PDE1A: variants seen among roughly 807,000 people sequenced by gnomAD.
PDE1A encodes dual specificity calcium/calmodulin-dependent 3',5'-cyclic nucleotide phosphodiesterase 1A.
A neutral mutation model predicts 61.7 loss-of-function variants in PDE1A; 35 were observed. The ratio of observed to expected loss-of-function variants is 0.57; its 90% confidence interval spans 0.43 to 0.75. The LOEUF is 0.75. Ranked by LOEUF, PDE1A falls within the 30% of genes least tolerant of loss-of-function variation. The probability of loss-of-function intolerance (pLI) is 0.00; values close to 1 mark genes in which losing one functional copy is unlikely to be tolerated. For missense variants in PDE1A, 597 were observed against 630.6 expected, an observed-to-expected ratio of 0.95 and a Z score of 0.57; for synonymous variants, 232 against 213.2, an observed-to-expected ratio of 1.09 and a Z score of -0.77.
chr2:182,597,562 T>G, the PDE1A span, among the ~76,000 whole-genome samples: 1 of 152,052 alleles, frequency 6.6e-6, no homozygotes, highest in Non-Finnish European at 1.5e-5. Context: ...GTAAAGAAAG[T>G]AAAGAATACA....
At chr2:182,367,489 A>T (rs777866746) in intron 1 of PDE1A, among the ~76,000 whole-genome samples, 2 of 152,066 alleles carry the variant, frequency 1.3e-5, no homozygotes, top group Non-Finnish European at 2.9e-5. Flanking sequence ...CACTCTAATG[A>T]ATTTTAAAAT....
chr2:182,158,436 A>G (rs1291888460), intron 13 of PDE1A, among the ~76,000 whole-genome samples: 1 of 152,166 alleles, frequency 6.6e-6, no homozygotes, highest in Non-Finnish European at 1.5e-5. Context: ...CCTTTATTTG[A>G]TGAAGTTTTT....
At chr2:182,543,275 T>G in the PDE1A span, among the ~76,000 whole-genome samples, 1 of 152,368 alleles carries the variant, frequency 6.6e-6, no homozygotes, top group Admixed American at 6.5e-5. Flanking sequence ...GCCCTGGAAA[T>G]GAAATAAAAC....
At chr2:182,455,532 A>G (rs927664861) in intron 2 of PDE1A, among the ~76,000 whole-genome samples, 1 of 152,192 alleles carries the variant, frequency 6.6e-6, no homozygotes, top group Non-Finnish European at 1.5e-5. Context: ...GATAGACTGG[A>G]TTAAGAAAAT....
At chr2:182,521,649 T>C (rs1002706116) in intron 2 of PDE1A, among the ~76,000 whole-genome samples, 6 of 152,038 alleles carry the variant, frequency 3.9e-5, no homozygotes, top group Non-Finnish European at 7.4e-5. Flanking sequence ...AATGCATAAT[T>C]CTTGACCCAT....
intron 2 of PDE1A, among the ~76,000 whole-genome samples, chr2:182,495,482 C>G (rs186514049): frequency 6.6e-6 from 1 of 152,328 alleles, no homozygotes; most frequent in East Asian, 1.9e-4. Context: ...CCCATTTTAA[C>G]ATGCTGTAAC....
chr2:182,334,045 C>T (rs1697609542), intron 1 of PDE1A, among the ~76,000 whole-genome samples: 1 of 151,984 alleles, frequency 6.6e-6, no homozygotes, highest in Non-Finnish European at 1.5e-5. Context: ...AGTTGAATAA[C>T]TGAATAGACC....
intron 8 of PDE1A, among the ~76,000 whole-genome samples, chr2:182,203,185 T>TG (rs895207233): frequency 6.6e-6 from 1 of 151,790 alleles, no homozygotes; most frequent in Admixed American, 6.6e-5. Context: ...CCAGCCCTGG[T>TG]GGCGGGCACC....
chr2:182,468,028 T>C (rs1271629065), intron 2 of PDE1A, among the ~76,000 whole-genome samples: 1 of 151,998 alleles, frequency 6.6e-6, no homozygotes, highest in Non-Finnish European at 1.5e-5. Flanking sequence ...ATTATCTGAG[T>C]CTTCAGAATC....
chr2:182,190,009 C>T (rs1335074551), intron 10 of PDE1A, among the ~76,000 whole-genome samples: 3 of 152,204 alleles, frequency 2.0e-5, no homozygotes, highest in Non-Finnish European at 2.9e-5. Context: ...GGATAAAATA[C>T]GTAAGGACTC....
At chr2:182,386,109 G>A (rs566821382) in intron 1 of PDE1A, among the ~76,000 whole-genome samples, 1 of 152,338 alleles carries the variant, frequency 6.6e-6, no homozygotes, top group Admixed American at 6.5e-5. Flanking sequence ...GGCCTCCTGA[G>A]GTGCCGGGAT....
intron 1 of PDE1A, among the ~76,000 whole-genome samples, chr2:182,277,513 G>T (rs898733726): frequency 2.0e-5 from 3 of 152,106 alleles, no homozygotes; most frequent in African/African-American, 7.2e-5. Flanking sequence ...ATGCATGACA[G>T]AATTCTCCAC....
At chr2:182,634,850 C>T in the PDE1A span, among the ~76,000 whole-genome samples, 1 of 152,152 alleles carries the variant, frequency 6.6e-6, no homozygotes, top group Non-Finnish European at 1.5e-5. Context: ...TTAGTCAAAG[C>T]TTAATTACTA....
At chr2:182,419,072 A>G (rs1703104477) in intron 1 of PDE1A, among the ~76,000 whole-genome samples, 1 of 117,424 alleles carries the variant, frequency 8.5e-6, no homozygotes, top group Non-Finnish European at 1.6e-5. Context: ...CTAAAAGAGA[A>G]AAAAAAAAAA....
chr2:182,407,005 C>T (rs1032657603), intron 1 of PDE1A, among the ~76,000 whole-genome samples: 5 of 152,050 alleles, frequency 3.3e-5, no homozygotes, highest in South Asian at 2.1e-4. Flanking sequence ...GAGAGTATAG[C>T]GAGATTTATC....
chr2:182,552,652 C>T, the PDE1A span, among the ~76,000 whole-genome samples: 4 of 151,876 alleles, frequency 2.6e-5, no homozygotes, highest in Non-Finnish European at 5.9e-5. Context: ...AATCAGAGCG[C>T]TCACTAAAAT....
intron 13 of PDE1A, among the ~76,000 whole-genome samples, chr2:182,150,463 T>C (rs1009778947): frequency 1.2e-4 from 19 of 152,172 alleles, no homozygotes; most frequent in African/African-American, 4.6e-4. Flanking sequence ...ATTTGCAATG[T>C]CATATATATA....
chr2:182,562,763 T>C, the PDE1A span, among the ~76,000 whole-genome samples: 1 of 152,312 alleles, frequency 6.6e-6, no homozygotes, highest in South Asian at 2.1e-4. Context: ...GAGATTCAAC[T>C]TCTTCCTGGT....
the PDE1A span, among the ~76,000 whole-genome samples, chr2:182,614,950 GTAAAA>G: frequency 6.6e-6 from 1 of 152,160 alleles, no homozygotes; most frequent in African/African-American, 2.4e-5. Flanking sequence ...CAAACATAAA[GTAAAA>G]TATGTCCTGT....
Sources: allele counts gnomAD v4.1 joint callset (sites outside exome capture counted in the v4.1 genomes callset), GRCh38; gene constraint gnomAD v4.1.1; transcripts MANE v1.5; gene names NCBI Gene and HGNC (gene_info 2026-07-23, HGNC 2026-07-21).